The following CYP1B1 variants were observed in gnomAD, a reference collection of about 807,000 sequenced individuals.
CYP1B1 encodes the protein cytochrome P450 1B1.
In CYP1B1, 22 loss-of-function variants were observed where a neutral mutation model predicts 29.9. The ratio of observed to expected loss-of-function variants is 0.74; its 90% CI spans 0.53 to 1.05. The LOEUF (loss-of-function observed/expected upper bound fraction) is 1.05. Ranked by LOEUF, CYP1B1 falls within the 50% of genes least tolerant of loss-of-function variation. The pLI is 0.00. For missense variants in CYP1B1, 883 were observed against 746.9 expected, an observed-to-expected ratio of 1.18 and a Z score of -2.12; for synonymous variants, 375 against 320.0, an observed-to-expected ratio of 1.17 and a Z score of -1.83.
chr2:38,071,110 G>C lies in CYP1B1; in HGVS notation c.1244C>G (p.Pro415Arg). ...ANTSVLGYHI[P>R]KDTVVFVNQW... is the part of the protein sequence containing the mutation. Reference sequence around the variant, plus strand: ...GTTGACAAAAACCACAGTGTCCTTGGGAATGTGGTAGCCCAAGACAGAGGT... The same window carrying C: ...GTTGACAAAAACCACAGTGTCCTTGCGAATGTGGTAGCCCAAGACAGAGGT... Residue 415 changes from proline to arginine, a missense_variant, in exon 3 of 3, where the codon CCC (proline) becomes CGC (arginine). Pro to Arg is a moderately radical substitution (Grantham distance 103). Transcript: ENST00000610745. The C allele has an allele frequency of 6.2e-7, 1 of 1,613,168 alleles. No individual in the cohort carries two copies. The highest frequency in any genetic ancestry group is 8.5e-7 in the Non-Finnish European group (1 of 1,179,174).
chr2:38,075,860 C>T lies in CYP1B1; in HGVS notation c.-82G>A, dbSNP rs1682529372. ...GGGACCTTTGCCTAGGGCAAGACGT[C>T]AACAGGAACCCGCAGGCCCGGCCTG... On this transcript the variant is annotated 5_prime_UTR_variant, in exon 1 of 3. Coordinates refer to ENST00000610745, the MANE Select transcript of CYP1B1 (RefSeq NM_000104.4). The T allele has an allele frequency of 5.0e-6, 1 of 199,942 alleles. No individual in the cohort carries two copies. Among genetic ancestry groups the T allele is most frequent in the Non-Finnish European group, 1.0e-5 (1 of 97,046 alleles). The allele number at this position is 199,942 out of a possible 1,614,324, so 12.4% of individuals were successfully genotyped here. A position where few individuals can be genotyped will look rare whatever the true frequency, so the allele number is the denominator to read the frequency against.
At chr2:38,072,768 T>G (rs1682455430) in intron 2 of CYP1B1, among the ~76,000 whole-genome samples, 1 of 152,270 alleles carries the variant, frequency 6.6e-6, no homozygotes, top group Non-Finnish European at 1.5e-5. Context: ...CTGCTCTGCC[T>G]TGTGTTGTAG....
chr2:38,074,386 G>A lies in CYP1B1; in HGVS notation c.1003C>T (p.Leu335=). 1 of 1,613,630 alleles carries A rather than the reference G, an allele frequency of 6.2e-7. No homozygotes were observed. Among genetic ancestry groups the A allele is most frequent in the Non-Finnish European group, 8.5e-7 (1 of 1,180,006 alleles). The part of the protein sequence containing the change: ...TDIFGASQDT[L]STALQWLLLL... ...AGCAGCCACTGCAGCGCGGTGGACA[G>A]GGTGTCCTGGCTGGCGCCGAAGATG... Residue 335 remains leucine, a synonymous_variant, in exon 2 of 3, where the codon CTG becomes TTG. Transcript: ENST00000610745.
At chr2:38,072,058 A>G (rs1682442608) in intron 2 of CYP1B1, among the ~76,000 whole-genome samples, 1 of 152,232 alleles carries the variant, frequency 6.6e-6, no homozygotes, top group African/African-American at 2.4e-5. Flanking sequence ...TTCACTGTTG[A>G]TGATACAAAC....
chr2:38,071,194 T>C lies in CYP1B1; in HGVS notation c.1160A>G (p.Glu387Gly). 6.2e-7 allele frequency: 1 copy of C among 1,613,638 alleles called. No homozygotes were observed. The highest frequency in any genetic ancestry group is 8.5e-7 in the Non-Finnish European group (1 of 1,180,018). The change falls in exon 3 of 3, where the codon GAA becomes GGA. Residue 387 changes from glutamate to glycine, a missense_variant. By Grantham distance (98) the Glu-to-Gly change is moderately conservative. Coordinates refer to ENST00000610745, the MANE Select transcript of CYP1B1 (RefSeq NM_000104.4). ...CACAAAGCTGGAGAAGCGCATGGCT[T>C]CATAAAGGAAGGCCAGGACATAGGG... Reference protein sequence around the residue: ...NLPYVLAFLYEAMRFSSFVPV... With the variant: ...NLPYVLAFLYGAMRFSSFVPV...
rs770030868 is a variant in CYP1B1, at chr2:38,071,019, G to C, written c.1335C>G (p.Phe445Leu). The C allele has an allele frequency of 3.7e-6, 6 of 1,613,994 alleles. No individual in the cohort carries two copies. Among genetic ancestry groups the C allele is most frequent in the Non-Finnish European group, 5.1e-6 (6 of 1,179,996 alleles). The change falls in exon 3 of 3, where the codon TTC (phenylalanine) becomes TTG (leucine). Residue 445 changes from phenylalanine (F) to leucine (L), a missense_variant. Transcript: ENST00000610745. ...PNPENFDPAR[F>L]LDKDGLINKD... is the part of the protein sequence containing the mutation. ...TGTTGATGAGGCCATCCTTGTCCAA[G>C]AATCGAGCTGGATCAAAGTTCTCCG...
chr2:38,069,053 A>C lies in CYP1B1; in HGVS notation c.*1669T>G, dbSNP rs1271038599. 4.4e-6 allele frequency: 1 copy of C among 226,072 alleles called. No individual in the cohort carries two copies. The highest frequency in any genetic ancestry group is 8.8e-6 in the Non-Finnish European group (1 of 113,570). The allele number at this position is 226,072 out of a possible 1,614,324, so 14.0% of individuals were successfully genotyped here. On this transcript the variant is annotated 3_prime_UTR_variant, in exon 3 of 3. Coordinates refer to ENST00000610745, the MANE Select transcript of CYP1B1 (RefSeq NM_000104.4). ...CTGTAGAACTTTCTTTGGAAGTTTA[A>C]TTGCAATGAACTTTAAAACTTGAAA...
In CYP1B1 at chr2:38,073,111, A is replaced by T. The variant is rs137967822; in HGVS notation, c.1043+1235T>A. On this transcript the variant is annotated intron_variant, in intron 2 of 2. Transcript: ENST00000610745. ...CCTGATCTCTGGTTGACTTTTCTTT[A>T]TTCGATTTCTGCCTCTCCCTCACCC... Among the ~76,000 whole-genome samples, 176 of 152,306 alleles carry T rather than the reference A, an allele frequency of 1.2e-3. 1 individual carries two copies. The Middle Eastern group carries it at 0.014, about 12-fold the overall frequency.
At position 38,070,851 on chromosome 2, in the gene CYP1B1, C is replaced by T. The variant is rs145488651; in HGVS notation, c.1503G>A (p.Ala501=). 93 of 1,614,138 alleles carry T rather than the reference C, an allele frequency of 5.8e-5. No individual in the cohort carries two copies. The African/African-American group carries it at 7.7e-4, about 13-fold the overall frequency. The change falls in exon 3 of 3, where the codon GCG becomes GCA. Residue 501 remains alanine, a synonymous_variant. Coordinates refer to ENST00000610745, the MANE Select transcript of CYP1B1 (RefSeq NM_000104.4). ...TTAGACCATAACTGAAATTCATTTT[C>T]GCAGGCTCATTTGGGTTGGCCCTGA... is the stretch of plus-strand genomic sequence containing the variant. ...CDFRANPNEP[A]KMNFSYGLTI... is the part of the protein sequence containing the mutation.
chr2:38,072,344 G>A (rs1481849639), intron 2 of CYP1B1, among the ~76,000 whole-genome samples: 2 of 152,064 alleles, frequency 1.3e-5, no homozygotes, highest in African/African-American at 4.8e-5. Flanking sequence ...GTAAGGTAGT[G>A]AGACCCTGTC....
At position 38,075,331 on chromosome 2, in the gene CYP1B1, G is replaced by C. The variant is rs1573276416; in HGVS notation, c.58C>G (p.Gln20Glu). The C allele has an allele frequency of 6.2e-7, 1 of 1,612,950 alleles. No homozygotes were observed. Among genetic ancestry groups the C allele is most frequent in the African/African-American group, 1.3e-5 (1 of 74,950 alleles). The change falls in exon 2 of 3, where the codon CAG becomes GAG. Residue 20 changes from glutamine to glutamate, a missense_variant. By Grantham distance (29) the Gln-to-Glu change is conservative. Transcript: ENST00000610745. Reference protein sequence around the residue: ...PWPLNPLSIQQTTLLLLLSVL... With the variant: ...PWPLNPLSIQETTLLLLLSVL... Reference sequence around the variant, plus strand: ...GACAGGAGTAGCAGGAGCGTGGTCTGCTGGATGGACAGCGGGTTTAGCGGC... The same window carrying C: ...GACAGGAGTAGCAGGAGCGTGGTCTCCTGGATGGACAGCGGGTTTAGCGGC...
rs9341259 is a variant in CYP1B1 at position 38,070,489 on chromosome 2, T to C, written c.*233A>G. 7.5e-5 allele frequency: 42 copies of C among 558,426 alleles called. No individual in the cohort carries two copies. The highest frequency in any genetic ancestry group is 4.7e-4 in the Middle Eastern group (1 of 2,112). 34.6% of individuals were successfully genotyped at this position (558,426 alleles called of 1,614,324 possible). Reference sequence around the variant, plus strand: ...ATGCAGTATGTATATAATAATTCATTGGGCCCTTTAAGTCTTTGACTCAAA... The same window carrying C: ...ATGCAGTATGTATATAATAATTCATCGGGCCCTTTAAGTCTTTGACTCAAA... On this transcript the variant is annotated 3_prime_UTR_variant, in exon 3 of 3. Coordinates refer to ENST00000610745, the MANE Select transcript of CYP1B1 (RefSeq NM_000104.4).
intron 1 of CYP1B1, 114 bp downstream of exon 1, chr2:38,075,666 C>A (rs34383932): frequency 1.8e-6 from 1 of 554,222 alleles, no homozygotes; most frequent in South Asian, 2.1e-5. Context: ...GACAACGCTG[C>A]GGGCATCGAG....
Position 38,075,373 on chromosome 2 carries a change from T to G in CYP1B1, c.16A>C (p.Ser6Arg). MGTSLSPNDPWPLNPL... is the reference protein window; with the variant it reads MGTSLRPNDPWPLNPL... ...TTTAGCGGCCAAGGGTCGTTCGGGC[T>G]GAGGCTGGTGCCCATGCTGGGGACA... Residue 6 changes from serine to arginine, a missense_variant, in exon 2 of 3, where the codon AGC becomes CGC. Coordinates refer to ENST00000610745, the MANE Select transcript of CYP1B1 (RefSeq NM_000104.4). 6.2e-7 allele frequency: 1 copy of G among 1,612,716 alleles called. No individual in the cohort carries two copies.
At chr2:38,073,342 A>T (rs1682464862) in intron 2 of CYP1B1, 1 of 152,196 alleles carries the variant, frequency 6.6e-6, no homozygotes. Flanking sequence ...TGCTCCAAGA[A>T]ATGACACAAA....
chr2:38,075,767 C>T lies in CYP1B1; in HGVS notation c.-2+13G>A. The T allele has an allele frequency of 3.3e-6, 1 of 299,372 alleles. No individual in the cohort carries two copies. Among genetic ancestry groups the T allele is most frequent in the Non-Finnish European group, 6.4e-6 (1 of 156,446 alleles). 18.5% of individuals were successfully genotyped at this position (299,372 alleles called of 1,614,324 possible). On this transcript the variant is annotated intron_variant, in intron 1 of 2. Transcript: ENST00000610745. ...AAGAGGTCGCCGGGCAGCGCCTCGGCAGACAGACTGACCTGCGGGGAGGTG... is the reference window on the plus strand; with the variant it reads ...AAGAGGTCGCCGGGCAGCGCCTCGGTAGACAGACTGACCTGCGGGGAGGTG...
At chr2:38,075,469 T>C (rs1206308095) in intron 1 of CYP1B1, 80 bp from the exon 2 acceptor site, 4 of 1,451,630 alleles carry the variant, frequency 2.8e-6, no homozygotes, top group East Asian at 4.6e-5. Flanking sequence ...CCCCAGCCTC[T>C]GGGGACTGAG....
At chr2:38,071,635 C>T (rs576224208) in intron 2 of CYP1B1, among the ~76,000 whole-genome samples, 2 of 152,196 alleles carry the variant, frequency 1.3e-5, no homozygotes, top group South Asian at 2.1e-4. Flanking sequence ...CATTGGGTAC[C>T]GCAGGGACAG....
At position 38,074,814 on chromosome 2, in the gene CYP1B1, T is replaced by A. The variant is rs1235928280; in HGVS notation, c.575A>T (p.Asp192Val). The A allele has an allele frequency of 8.3e-6, 13 of 1,575,588 alleles. No homozygotes were observed. The East Asian group carries it at 3.0e-4, about 37-fold the overall frequency. The change falls in exon 2 of 3, where the codon GAC becomes GTC. Residue 192 changes from aspartate (D) to valine (V), a missense_variant. Coordinates refer to ENST00000610745, the MANE Select transcript of CYP1B1 (RefSeq NM_000104.4). ...VRGSADGAFL[D>V]PRPLTVVAVA... Reference sequence around the variant, plus strand: ...GGCCACGACGGTCAGCGGCCTCGGGTCGAGGAAGGCGCCGTCCGCGCTGCC... The same window carrying A: ...GGCCACGACGGTCAGCGGCCTCGGGACGAGGAAGGCGCCGTCCGCGCTGCC...
Sources: gnomAD v4.1 joint callset for allele counts (sites outside exome capture counted in the v4.1 genomes callset) on GRCh38, gnomAD v4.1.1 for gene constraint, MANE v1.5 for transcripts, NCBI Gene and HGNC (gene_info 2026-07-23, HGNC 2026-07-21) for gene names.